SORCS2: variants seen among roughly 807,000 people sequenced by gnomAD.
SORCS2 encodes the protein VPS10 domain-containing receptor SorCS2.
A neutral mutation model predicts 141.6 loss-of-function variants in SORCS2; 100 were observed. That is an observed-to-expected ratio of 0.71 (90% CI 0.60 to 0.83). The LOEUF is 0.83. Among genes scored for constraint, SORCS2 ranks in the 40% least tolerant of loss-of-function variants. The pLI is 0.00. For synonymous variants in SORCS2, 789 were observed against 676.9 expected, an observed-to-expected ratio of 1.17 and a Z score of -2.57; for missense variants, 1,646 against 1,560.2, an observed-to-expected ratio of 1.05 and a Z score of -0.93.
At chr4:7,731,054 C>T (rs1487229436) in intron 23 of SORCS2, among the ~76,000 whole-genome samples, 1 of 152,146 alleles carries the variant, frequency 6.6e-6, no homozygotes, top group Non-Finnish European at 1.5e-5. Context: ...TGAGGCTTGG[C>T]GAGGGCCACC....
intron 20 of SORCS2, among the ~76,000 whole-genome samples, chr4:7,725,819 A>G (rs950467418): frequency 5.3e-5 from 8 of 152,180 alleles, no homozygotes; most frequent in Admixed American, 2.0e-4. Context: ...TCATTCAGCA[A>G]ACAGCCCAGC....
At chr4:7,692,010 C>A (rs1724289690) in intron 11 of SORCS2, among the ~76,000 whole-genome samples, 1 of 151,968 alleles carries the variant, frequency 6.6e-6, no homozygotes. Flanking sequence ...ACTGTCCCTA[C>A]AAGGGCAGGA....
chr4:7,382,589 C>G (rs975539184), intron 1 of SORCS2, among the ~76,000 whole-genome samples: 3 of 152,210 alleles, frequency 2.0e-5, no homozygotes, highest in African/African-American at 7.2e-5. Context: ...ATGATGCTGA[C>G]ATGCCTGTAT....
rs1189289075 is a variant in SORCS2, at chr4:7,604,301, T to A, written c.649-34027T>A. Among the ~76,000 whole-genome samples the A allele has an allele frequency of 3.3e-5, 5 of 152,194 alleles. No individual in the cohort carries two copies. The East Asian group carries it at 7.7e-4, about 23-fold the overall frequency. Reference sequence around the variant, plus strand: ...GTGGTAGTGAGAGAGTTTCACAAGATCACTATGGTGATGTTTGTTTGTTGG... The same window carrying A: ...GTGGTAGTGAGAGAGTTTCACAAGAACACTATGGTGATGTTTGTTTGTTGG... On this transcript the variant is annotated intron_variant, in intron 3 of 26. Coordinates refer to ENST00000507866, the MANE Select transcript of SORCS2 (RefSeq NM_020777.3).
chr4:7,197,717 A>C (rs575467739), intron 1 of SORCS2, among the ~76,000 whole-genome samples: 1 of 152,248 alleles, frequency 6.6e-6, no homozygotes, highest in South Asian at 2.1e-4. Flanking sequence ...GTTTGGAAAA[A>C]ATAGATTAAA....
At chr4:7,626,036 A>T (rs529023624) in intron 3 of SORCS2, among the ~76,000 whole-genome samples, 4 of 151,982 alleles carry the variant, frequency 2.6e-5, no homozygotes, top group Admixed American at 6.6e-5. Flanking sequence ...GTTCCCAGCG[A>T]CTCAGAAGGC....
chr4:7,627,020 C>G (rs988708019), intron 3 of SORCS2, among the ~76,000 whole-genome samples: 1 of 152,120 alleles, frequency 6.6e-6, no homozygotes, highest in African/African-American at 2.4e-5. Context: ...GGGTCTGGCT[C>G]TTTCACCCAG....
In SORCS2 at chr4:7,273,961, A is replaced by C. The variant is rs147288563; in HGVS notation, c.480+80835A>C. 5.3e-5 allele frequency among the ~76,000 whole-genome samples: 8 copies of C among 152,328 alleles called. No individual in the cohort carries two copies. In the East Asian group the frequency reaches 1.5e-3, roughly 29 times the overall value. On this transcript the variant is annotated intron_variant, in intron 1 of 26. Coordinates refer to ENST00000507866, the MANE Select transcript of SORCS2 (RefSeq NM_020777.3). ...GACATGGAGACAATGTGGCCTCCGC[A>C]CATCCCTCACAGGCGGAACAGAGCC... is the stretch of plus-strand genomic sequence containing the variant.
chr4:7,735,334 T>A (rs1712080494), intron 25 of SORCS2: 1 of 154,444 alleles, frequency 6.5e-6, no homozygotes. Flanking sequence ...GGCCCTGGAC[T>A]CCCCCAACCC....
intron 2 of SORCS2, among the ~76,000 whole-genome samples, chr4:7,495,407 C>T (rs998187631): frequency 6.6e-6 from 1 of 152,220 alleles, no homozygotes; most frequent in African/African-American, 2.4e-5. Flanking sequence ...TCTGCCTCCC[C>T]CACCAGCTGT....
At chr4:7,472,848 C>T (rs1398183309) in intron 2 of SORCS2, among the ~76,000 whole-genome samples, 3 of 151,818 alleles carry the variant, frequency 2.0e-5, no homozygotes, top group Non-Finnish European at 4.4e-5. Context: ...ATTAACAGAA[C>T]AAAACTGCCT....
intron 4 of SORCS2, among the ~76,000 whole-genome samples, chr4:7,639,284 T>G (rs1394494777): frequency 6.6e-6 from 1 of 152,222 alleles, no homozygotes; most frequent in Admixed American, 6.5e-5. Context: ...CCCCCTGGGC[T>G]CTAGGGAGGA....
At chr4:7,671,771 A>C (rs1029104929) in intron 8 of SORCS2, among the ~76,000 whole-genome samples, 1 of 152,154 alleles carries the variant, frequency 6.6e-6, no homozygotes, top group East Asian at 1.9e-4. Context: ...AACAGAAGAG[A>C]GATAAAGGCA....
Position 7,292,167 on chromosome 4 carries a change from C to G in SORCS2, c.480+99041C>G, listed in dbSNP as rs564495204. On this transcript the variant is annotated intron_variant, in intron 1 of 26. Coordinates refer to ENST00000507866, the MANE Select transcript of SORCS2 (RefSeq NM_020777.3). ...GGTTGCCGCTTCACAGTCCGTTCAC[C>G]AAGGAGGCTCCCCCCACCATTGACA... 2.0e-5 allele frequency among the ~76,000 whole-genome samples: 3 copies of G among 151,738 alleles called. No individual in the cohort carries two copies. In the East Asian group the frequency reaches 5.8e-4, roughly 29 times the overall value.
chr4:7,624,848 A>G (rs926126127), intron 3 of SORCS2, among the ~76,000 whole-genome samples: 1 of 152,238 alleles, frequency 6.6e-6, no homozygotes, highest in Non-Finnish European at 1.5e-5. Context: ...ATTAAACCGT[A>G]TTCACTCTAG....
At chr4:7,469,889 T>C (rs980356463) in intron 2 of SORCS2, among the ~76,000 whole-genome samples, 3 of 152,184 alleles carry the variant, frequency 2.0e-5, no homozygotes, top group Non-Finnish European at 2.9e-5. Flanking sequence ...GAGAGTGGGC[T>C]CCTCAGTTTG....
At chr4:7,698,495 T>C (rs542599412) in intron 12 of SORCS2, among the ~76,000 whole-genome samples, 7 of 152,386 alleles carry the variant, frequency 4.6e-5, no homozygotes, top group African/African-American at 1.7e-4. Context: ...GTGAAACATG[T>C]TTGAAGCTTC....
intron 3 of SORCS2, among the ~76,000 whole-genome samples, chr4:7,593,302 A>G (rs2108778246): frequency 6.6e-6 from 1 of 152,272 alleles, no homozygotes; most frequent in East Asian, 1.9e-4. Context: ...ATCAGCCTAG[A>G]ATCTGGAATG....
At position 7,728,429 on chromosome 4, in the gene SORCS2, C is replaced by T. The variant is rs551349051; in HGVS notation, c.2949C>T (p.Asp983=). The change falls in exon 22 of 27, where the codon GAC becomes GAT. Residue 983 remains aspartate, a synonymous_variant. Transcript: ENST00000507866. ...YNPNTPEWRE[D]VGLVVTRLLS... is the part of the protein sequence containing the mutation. ...CCAACACCCCTGAGTGGAGGGAAGA[C>T]GTGGGCCTGGTGGTCACCCGGCTGC... The T allele has an allele frequency of 5.0e-5, 80 of 1,613,578 alleles. No homozygotes were observed. The highest frequency in any genetic ancestry group is 1.6e-4 in the Middle Eastern group (1 of 6,062).
Sources: allele counts gnomAD v4.1 joint callset (sites outside exome capture counted in the v4.1 genomes callset), GRCh38; gene constraint gnomAD v4.1.1; transcripts MANE v1.5; gene names NCBI Gene and HGNC (gene_info 2026-07-23, HGNC 2026-07-21).